RAP1A: variants seen among roughly 807,000 people sequenced by gnomAD.
RAP1A encodes ras-related protein Rap-1A.
In RAP1A, 6 loss-of-function variants were observed where a neutral mutation model predicts 26.4. The observed-to-expected ratio is 0.23, with a 90% CI of 0.12 to 0.45. The LOEUF (loss-of-function observed/expected upper bound fraction) is 0.45, where lower values mean the gene tolerates loss of function less well. Among genes scored for constraint, RAP1A ranks in the 20% least tolerant of loss-of-function variants. The probability of loss-of-function intolerance (pLI) is 0.99; values close to 1 mark genes in which losing one functional copy is unlikely to be tolerated. For missense variants in RAP1A, 121 were observed against 217.2 expected, an observed-to-expected ratio of 0.56 and a Z score of 2.78; for synonymous variants, 73 against 79.4, an observed-to-expected ratio of 0.92 and a Z score of 0.43.
At chr1:111,582,900 G>A (rs1366266323) in intron 1 of RAP1A, among the ~76,000 whole-genome samples, 2 of 152,204 alleles carry the variant, frequency 1.3e-5, no homozygotes, top group Non-Finnish European at 2.9e-5. Context: ...GCCAGAGCCT[G>A]GTCTCCCGGC....
intron 1 of RAP1A, among the ~76,000 whole-genome samples, chr1:111,681,288 C>T (rs545428120): frequency 5.9e-5 from 9 of 152,144 alleles, no homozygotes; most frequent in Non-Finnish European, 1.3e-4. Flanking sequence ...CAGCATGCCT[C>T]TTCTCCTCCA....
chr1:111,689,294 CT>C (rs1212446212), intron 1 of RAP1A, among the ~76,000 whole-genome samples: 2 of 151,536 alleles, frequency 1.3e-5, no homozygotes, highest in Non-Finnish European at 1.5e-5. Flanking sequence ...TATTACACCC[CT>C]AACCCTTCTA....
chr1:111,646,147 C>T (rs892936195), intron 1 of RAP1A, among the ~76,000 whole-genome samples: 2 of 152,192 alleles, frequency 1.3e-5, no homozygotes, highest in Non-Finnish European at 2.9e-5. Context: ...AATTCTTGTA[C>T]AAGTAAACAT....
rs762856693 is a variant in RAP1A, at chr1:111,691,313, ATTTT to A, written c.-27-17_-27-14del. 1 of 1,531,242 alleles carries A rather than the reference ATTTT, an allele frequency of 6.5e-7. No homozygotes were observed. The highest frequency in any genetic ancestry group is 9.0e-7 in the Non-Finnish European group (1 of 1,107,264). 94.9% of individuals were successfully genotyped at this position (1,531,242 alleles called of 1,614,324 possible). ...CTGTTAGCATGTTTCTTAATCTTTG[ATTTT>A]TTTGTTTGTTTTTCAGATCGTCAGT... On this transcript the variant is annotated splice_polypyrimidine_tract_variant and intron_variant, in intron 1 of 7. Coordinates refer to ENST00000369709, the MANE Select transcript of RAP1A (RefSeq NM_002884.4).
At chr1:111,615,317 G>A (rs183644228), upstream of RAP1A, among the ~76,000 whole-genome samples, 100 of 151,764 alleles carry the variant, frequency 6.6e-4, no homozygotes, top group African/African-American at 2.3e-3. Context: ...AAGACGGACT[G>A]AAGGGAAGGC....
intron 1 of RAP1A, among the ~76,000 whole-genome samples, chr1:111,570,679 G>C (rs116528002): frequency 3.8e-4 from 58 of 152,286 alleles, no homozygotes; most frequent in African/African-American, 1.3e-3. Flanking sequence ...GAGGGTTTTT[G>C]TGCTGTCATA....
chr1:111,544,479 A>G (rs1304546016), intron 1 of RAP1A, among the ~76,000 whole-genome samples: 1 of 152,086 alleles, frequency 6.6e-6, no homozygotes, highest in African/African-American at 2.4e-5. Flanking sequence ...TGTCTAACTT[A>G]TTTCTTTCAG....
intron 1 of RAP1A, among the ~76,000 whole-genome samples, chr1:111,600,562 G>A (rs1287344954): frequency 1.3e-5 from 2 of 152,104 alleles, no homozygotes; most frequent in African/African-American, 4.8e-5. Flanking sequence ...CAATTAGAGA[G>A]CATCAAGAGC....
At chr1:111,654,228 T>C (rs529361344) in intron 1 of RAP1A, among the ~76,000 whole-genome samples, 2 of 152,328 alleles carry the variant, frequency 1.3e-5, no homozygotes, top group South Asian at 4.1e-4. Context: ...ATTTGCCATC[T>C]TTTTTATTTT....
intron 1 of RAP1A, among the ~76,000 whole-genome samples, chr1:111,603,376 G>A (rs1658707469): frequency 6.6e-6 from 1 of 152,096 alleles, no homozygotes; most frequent in Non-Finnish European, 1.5e-5. Flanking sequence ...GCCACCTATC[G>A]CCCAACCTGT....
chr1:111,559,130 T>C (rs1008591324), intron 1 of RAP1A, among the ~76,000 whole-genome samples: 4 of 152,140 alleles, frequency 2.6e-5, no homozygotes, highest in Admixed American at 6.5e-5. Context: ...GACTAAGTGA[T>C]AAATAATAAT....
intron 1 of RAP1A, chr1:111,649,658 A>G (rs932798907): frequency 6.1e-6 from 1 of 163,370 alleles, no homozygotes; most frequent in Non-Finnish European, 1.3e-5. Flanking sequence ...TGATAATCAA[A>G]ACTTTATTAC....
rs1662547187 is a variant in RAP1A, at chr1:111,716,600, G to GTCAGTTCTTAAAT, written c.*4199_*4200insTCAGTTCTTAAAT. The stretch of plus-strand genomic sequence containing the variant: ...TCCTGTGGTTCTGGGCCCAAGGTGT[G>GTCAGTTCTTAAAT]ACATACATTTCCCACTAATTGCTTC... On this transcript the variant is annotated 3_prime_UTR_variant, in exon 8 of 8. Coordinates refer to ENST00000369709, the MANE Select transcript of RAP1A (RefSeq NM_002884.4). 4 of 152,170 alleles carry GTCAGTTCTTAAAT rather than the reference G, an allele frequency of 2.6e-5. No individual in the cohort carries two copies. Among genetic ancestry groups the GTCAGTTCTTAAAT allele is most frequent in the Non-Finnish European group, 2.9e-5 (2 of 68,034 alleles). The allele number at this position is 152,170 out of a possible 1,614,324, so 9.4% of individuals were successfully genotyped here.
chr1:111,599,723 G>C (rs1451973459), intron 1 of RAP1A: 1 of 152,210 alleles, frequency 6.6e-6, no homozygotes, highest in Non-Finnish European at 1.5e-5. Context: ...AAGAGTTTTA[G>C]GAGTTGTATG....
chr1:111,646,362 C>T (rs1660063286), intron 1 of RAP1A, among the ~76,000 whole-genome samples: 1 of 144,258 alleles, frequency 6.9e-6, no homozygotes, highest in Non-Finnish European at 1.5e-5. Context: ...ATGTTTTGTT[C>T]TAATTTGGAG....
chr1:111,566,160 C>T (rs1657913807), intron 1 of RAP1A, among the ~76,000 whole-genome samples: 2 of 151,914 alleles, frequency 1.3e-5, no homozygotes, highest in Admixed American at 6.6e-5. Flanking sequence ...GGGAAGACAC[C>T]CAGCCAGCTG....
rs553361464 is a variant in RAP1A, at chr1:111,676,325, T to C, written c.-27-15009T>C. 4.6e-5 allele frequency among the ~76,000 whole-genome samples: 7 copies of C among 152,228 alleles called. No individual in the cohort carries two copies. The East Asian group carries it at 9.7e-4, about 21-fold the overall frequency. ...GAGCCGAGATCATGCCACTCAAGCC[T>C]GGGTTATAGAGAGAGACTCTGTCTC... On this transcript the variant is annotated intron_variant, in intron 1 of 7. Coordinates refer to ENST00000369709, the MANE Select transcript of RAP1A (RefSeq NM_002884.4).
intron 1 of RAP1A, among the ~76,000 whole-genome samples, chr1:111,580,435 G>T (rs940203654): frequency 2.6e-5 from 4 of 152,192 alleles, no homozygotes; most frequent in African/African-American, 9.6e-5. Context: ...TATAGGTTTA[G>T]TACTCAAAAG....
At chr1:111,669,984 A>G (rs1660923308) in intron 1 of RAP1A, among the ~76,000 whole-genome samples, 2 of 152,224 alleles carry the variant, frequency 1.3e-5, no homozygotes, top group African/African-American at 4.8e-5. Flanking sequence ...TAGAATAGTA[A>G]CTACAGTGTA....
Sources: allele counts gnomAD v4.1 joint callset (sites outside exome capture counted in the v4.1 genomes callset), GRCh38; gene constraint gnomAD v4.1.1; transcripts MANE v1.5; gene names NCBI Gene and HGNC (gene_info 2026-07-23, HGNC 2026-07-21).